Variants in MRTFB observed in about 807,000 individuals in gnomAD.
The protein encoded by MRTFB is myocardin-related transcription factor B.
In MRTFB, 29 loss-of-function variants were observed where a neutral mutation model predicts 104.2. The ratio of observed to expected loss-of-function variants is 0.28; its 90% CI spans 0.21 to 0.38. The LOEUF is 0.38. Among genes scored for constraint, MRTFB ranks in the 10% least tolerant of loss-of-function variants. MRTFB has a pLI of 1.00. For missense variants in MRTFB, 1,270 were observed against 1,341.6 expected (o/e 0.95, Z 0.83); for synonymous variants, 535 against 519.5 (o/e 1.03, Z -0.41).
chr16:14,256,997 A>T (rs780027777), intron 15 of MRTFB, among the ~76,000 whole-genome samples: 31 of 152,342 alleles, frequency 2.0e-4, no homozygotes, highest in Non-Finnish European at 4.0e-4. Context: ...GATGCTCAAC[A>T]TCATTAGTCA....
the MRTFB span, among the ~76,000 whole-genome samples, chr16:14,032,588 C>G: frequency 2.6e-5 from 4 of 151,970 alleles, no homozygotes; most frequent in Non-Finnish European, 4.4e-5. Flanking sequence ...AATTATTGAA[C>G]CTGAGAAGGG....
intron 12 of MRTFB, chr16:14,248,725 C>T: frequency 1.9e-6 from 1 of 516,634 alleles, no homozygotes. Flanking sequence ...TAAGAGCATG[C>T]AGTGACTGGT....
intron 7 of MRTFB, among the ~76,000 whole-genome samples, chr16:14,218,140 A>G (rs2041507936): frequency 6.6e-6 from 1 of 152,004 alleles, no homozygotes; most frequent in Admixed American, 6.6e-5. Flanking sequence ...GCTCACTGTA[A>G]ACTCTGCCTC....
At chr16:14,141,128 G>C (rs1278288477) in intron 3 of MRTFB, 1 of 190,954 alleles carries the variant, frequency 5.2e-6, no homozygotes, top group Non-Finnish European at 1.1e-5. Context: ...CTCCATCTCC[G>C]GTGTGTTGCA....
At chr16:14,087,023 C>T (rs1219470946) in intron 2 of MRTFB, among the ~76,000 whole-genome samples, 1 of 152,088 alleles carries the variant, frequency 6.6e-6, no homozygotes, top group Non-Finnish European at 1.5e-5. Flanking sequence ...ATTTTGTCTT[C>T]ATATACAGAA....
At chr16:14,232,406 G>A (rs1016525533) in intron 8 of MRTFB, among the ~76,000 whole-genome samples, 2 of 152,208 alleles carry the variant, frequency 1.3e-5, no homozygotes, top group East Asian at 3.8e-4. Context: ...TTATGTATGA[G>A]GCTTGGTTGG....
Position 14,218,896 on chromosome 16 carries a change from G to A in MRTFB, c.591G>A (p.Pro197=), listed in dbSNP as rs143161598. The A allele has an allele frequency of 1.3e-4, 202 of 1,613,998 alleles. No homozygotes were observed. Among genetic ancestry groups the A allele is most frequent in the East Asian group, 6.2e-4 (28 of 44,876 alleles). Residue 197 remains proline, a synonymous_variant, in exon 8 of 17, where the codon CCG becomes CCA. Transcript: ENST00000571589. ...FDEDSSDALS[P]DQPASQESQG... is the part of the protein sequence containing the mutation. ...AAGACAGCAGTGACGCTTTGTCTCC[G>A]GACCAGCCTGCGAGTCAGGAGTCAC... is the stretch of plus-strand genomic sequence containing the variant.
the MRTFB span, among the ~76,000 whole-genome samples, chr16:13,997,472 G>A: frequency 6.6e-6 from 1 of 152,152 alleles, no homozygotes; most frequent in South Asian, 2.1e-4. Flanking sequence ...AAATTGCCCT[G>A]CCCTGAAAAA....
Position 14,135,717 on chromosome 16 carries a change from AAAAT to A in MRTFB, c.-63-4825_-63-4822del, listed in dbSNP as rs1427593045. Among the ~76,000 whole-genome samples, 11 of 152,332 alleles carry A rather than the reference AAAAT, an allele frequency of 7.2e-5. No individual in the cohort carries two copies. In the South Asian group the frequency reaches 1.9e-3, roughly 26 times the overall value. Reference sequence around the variant, plus strand: ...TGGTCTCTGTCAGAATTATCTTTTTAAAATACAAAATCAATCATATCACTGGTTT... The same window carrying A: ...TGGTCTCTGTCAGAATTATCTTTTTAACAAAATCAATCATATCACTGGTTT... On this transcript the variant is annotated intron_variant, in intron 2 of 16. Coordinates refer to ENST00000571589, the MANE Select transcript of MRTFB (RefSeq NM_001308142.2).
chr16:14,159,706 G>A (rs2142885257), intron 3 of MRTFB, among the ~76,000 whole-genome samples: 1 of 151,954 alleles, frequency 6.6e-6, no homozygotes, highest in East Asian at 1.9e-4. Context: ...GAGGCGGGCG[G>A]ATCACGAGGT....
intron 2 of MRTFB, among the ~76,000 whole-genome samples, chr16:14,094,910 A>G (rs1440552371): frequency 6.6e-6 from 1 of 152,212 alleles, no homozygotes. Context: ...TTTTTGTTAC[A>G]GCTTTATGCT....
At chr16:14,160,802 TC>T (rs2142896452) in intron 3 of MRTFB, among the ~76,000 whole-genome samples, 1 of 152,316 alleles carries the variant, frequency 6.6e-6, no homozygotes, top group East Asian at 1.9e-4. Context: ...GCATAAATTG[TC>T]CCAAATTTGG....
chr16:14,220,493 G>C (rs1480528330), intron 8 of MRTFB, among the ~76,000 whole-genome samples: 3 of 152,148 alleles, frequency 2.0e-5, no homozygotes, highest in Admixed American at 2.0e-4. Context: ...GTACTACTGT[G>C]TTTTATTTCC....
At position 14,246,713 on chromosome 16, in the gene MRTFB, T is replaced by C; in HGVS notation, c.1453T>C (p.Leu485=). 6 of 1,614,164 alleles carry C rather than the reference T, an allele frequency of 3.7e-6. No homozygotes were observed. The highest frequency in any genetic ancestry group is 5.1e-6 in the Non-Finnish European group (6 of 1,180,028). Residue 485 remains leucine, a synonymous_variant, in exon 12 of 17, where the codon TTG becomes CTG. Coordinates refer to ENST00000571589, the MANE Select transcript of MRTFB (RefSeq NM_001308142.2). ...TSSVSTLKAE[L]PPTGTSNATR... ...CTCAGTCTCTACTCTCAAGGCAGAA[T>C]TGCCACCTACAGGAACCAGCAACGC... is the stretch of plus-strand genomic sequence containing the variant.
At position 14,261,083 on chromosome 16, in the gene MRTFB, A is replaced by T; in HGVS notation, c.2939A>T (p.Asn980Ile). 6.2e-7 allele frequency: 1 copy of T among 1,614,208 alleles called. No individual in the cohort carries two copies. The highest frequency in any genetic ancestry group is 8.5e-7 in the Non-Finnish European group (1 of 1,180,032). The stretch of plus-strand genomic sequence containing the variant: ...GGCAGTTTATCTGCCAGCTTAGAGA[A>T]CCAACTAGAAGCTTTCTTGGATGGA... ...PMGSLSASLE[N>I]QLEAFLDGTL... The change falls in exon 17 of 17, where the codon AAC (asparagine) becomes ATC (isoleucine). Residue 980 changes from asparagine (N) to isoleucine (I), a missense_variant. Physicochemically the swap from Asn to Ile is moderately radical, Grantham distance 149 (BLOSUM62 -3). Coordinates refer to ENST00000571589, the MANE Select transcript of MRTFB (RefSeq NM_001308142.2).
intron 3 of MRTFB, among the ~76,000 whole-genome samples, chr16:14,159,925 G>A (rs1228034027): frequency 3.5e-5 from 3 of 86,190 alleles, no homozygotes; most frequent in Admixed American, 1.5e-4. Context: ...GCGAGACTCC[G>A]TCTCAAAAAA....
chr16:14,209,663 T>C (rs914244899), intron 3 of MRTFB, among the ~76,000 whole-genome samples: 3 of 152,212 alleles, frequency 2.0e-5, no homozygotes, highest in African/African-American at 7.2e-5. Context: ...TCAACTGATT[T>C]GTGACTTTCT....
chr16:14,064,962 A>T, the MRTFB span, among the ~76,000 whole-genome samples: 1 of 152,156 alleles, frequency 6.6e-6, no homozygotes, highest in Non-Finnish European at 1.5e-5. Context: ...GTTCCGTGTG[A>T]ATTTTAGAAT....
chr16:14,180,217 C>G (rs1310288331), intron 3 of MRTFB, among the ~76,000 whole-genome samples: 1 of 152,138 alleles, frequency 6.6e-6, no homozygotes, highest in African/African-American at 2.4e-5. Context: ...CTAACATGTC[C>G]CCAGTGCATA....
Sources: allele counts gnomAD v4.1 joint callset (sites outside exome capture counted in the v4.1 genomes callset), GRCh38; gene constraint gnomAD v4.1.1; transcripts MANE v1.5; gene names NCBI Gene and HGNC (gene_info 2026-07-23, HGNC 2026-07-21).